Variants in CENPT observed in about 807,000 individuals in gnomAD.
CENPT encodes centromere protein T.
CENPT carries 42 observed loss-of-function variants against 59.7 expected under a neutral mutation model. That is an observed-to-expected ratio of 0.70 (90% CI 0.55 to 0.91). CENPT has a LOEUF of 0.91. CENPT is among the 40% of genes least tolerant of loss of function. CENPT has a pLI of 0.00. For synonymous variants in CENPT, 295 were observed against 289.6 expected (o/e 1.02, Z -0.19); for missense variants, 716 against 713.4 (o/e 1.00, Z -0.04).
rs1426340106 is a variant in CENPT at position 67,829,529 on chromosome 16, A to C, written c.1187-13T>G. The C allele has an allele frequency of 6.3e-7, 1 of 1,594,814 alleles. No homozygotes were observed. Among genetic ancestry groups the C allele is most frequent in the East Asian group, 2.2e-5 (1 of 44,802 alleles). On this transcript the variant is annotated splice_polypyrimidine_tract_variant and intron_variant, in intron 12 of 15. Transcript: ENST00000562787. ...GACTCTGGACTTGCTACAAAGAAGA[A>C]GGGTGGGGTCACAGGGATTCCAGGC...
In CENPT at chr16:67,842,756, G is replaced by A; in HGVS notation, c.-492+4645C>T. On this transcript the variant is annotated intron_variant, in intron 1 of 15. Transcript: ENST00000562787. The surrounding 1 kb of genome is among the most constrained non-coding windows in gnomAD (Gnocchi z 4.9). The stretch of plus-strand genomic sequence containing the variant: ...TCTCTGCAGCGTTCACTTCCAGGGC[G>A]GCCGCAAGACCTACACGGTACGCGT... 1 of 1,609,456 alleles carries A rather than the reference G, an allele frequency of 6.2e-7. No individual in the cohort carries two copies. The highest frequency in any genetic ancestry group is 8.5e-7 in the Non-Finnish European group (1 of 1,178,178).
intron 10 of CENPT, 164 bp downstream of exon 10, chr16:67,831,052 C>T (rs1215815247): frequency 1.2e-6 from 1 of 857,832 alleles, no homozygotes; most frequent in East Asian, 2.4e-5. Context: ...GAAAGAGGCC[C>T]CCTGTAGAAA....
chr16:67,838,430 C>T (rs1353714716), intron 1 of CENPT, among the ~76,000 whole-genome samples: 1 of 150,690 alleles, frequency 6.6e-6, no homozygotes, highest in Non-Finnish European at 1.5e-5. Flanking sequence ...GAGACCAGCC[C>T]GGACAACGTG....
intron 11 of CENPT, 131 bp from the exon 12 acceptor site, chr16:67,830,219 G>T (rs780214356): frequency 8.2e-7 from 1 of 1,221,228 alleles, no homozygotes; most frequent in Non-Finnish European, 1.2e-6. Flanking sequence ...GGCAGCACCA[G>T]GACATGGATC....
chr16:67,836,153 G>A (rs1170096995), intron 1 of CENPT, among the ~76,000 whole-genome samples: 5 of 150,962 alleles, frequency 3.3e-5, no homozygotes, highest in East Asian at 2.0e-4. Flanking sequence ...TCTGCCTCCC[G>A]GTTTCAAGCA....
At chr16:67,845,446 C>T (rs1020289509) in intron 1 of CENPT, among the ~76,000 whole-genome samples, 3 of 152,106 alleles carry the variant, frequency 2.0e-5, no homozygotes, top group African/African-American at 7.2e-5. Context: ...TGGACTGGAC[C>T]TCTGTCTTCC....
chr16:67,841,706 A>AC (rs2057762349), intron 1 of CENPT: 1 of 152,266 alleles, frequency 6.6e-6, no homozygotes, highest in African/African-American at 2.4e-5. Context: ...CGTGTCAGCC[A>AC]CATAGTAGGC....
At chr16:67,846,074 G>A (rs1472984913) in intron 1 of CENPT, among the ~76,000 whole-genome samples, 1 of 152,210 alleles carries the variant, frequency 6.6e-6, no homozygotes, top group African/African-American at 2.4e-5. Flanking sequence ...CTAGAGACTG[G>A]CCTTACCACA....
At position 67,831,863 on chromosome 16, in the gene CENPT, C is replaced by T. The variant is rs969575353; in HGVS notation, c.414G>A (p.Glu138=). The T allele has an allele frequency of 6.2e-6, 10 of 1,611,496 alleles. No homozygotes were observed. Among genetic ancestry groups the T allele is most frequent in the Non-Finnish European group, 8.5e-6 (10 of 1,179,294 alleles). Residue 138 remains glutamate (E), a synonymous_variant, in exon 8 of 16, where the codon GAG becomes GAA. Coordinates refer to ENST00000562787, the MANE Select transcript of CENPT (RefSeq NM_025082.4). The stretch of plus-strand genomic sequence containing the variant: ...GACCTGGAGCCAGGGTTGTGGGGGG[C>T]TCGAGCTCAGGAAGTTGCAGCTCCA... ...GSLELQLPEL[E]PPTTLAPGLL...
At chr16:67,844,223 A>G (rs2057783016) in intron 1 of CENPT, 1 of 166,174 alleles carries the variant, frequency 6.0e-6, no homozygotes, top group Non-Finnish European at 1.5e-5. Context: ...TATTTTTACA[A>G]AAACATAGTT....
chr16:67,846,505 C>G (rs2057799714), intron 1 of CENPT, among the ~76,000 whole-genome samples: 1 of 152,262 alleles, frequency 6.6e-6, no homozygotes, highest in Non-Finnish European at 1.5e-5. Flanking sequence ...GCCATAGCCC[C>G]AAGGGGAGGG....
chr16:67,837,390 T>C (rs1311634463), intron 1 of CENPT, among the ~76,000 whole-genome samples: 1 of 148,068 alleles, frequency 6.8e-6, no homozygotes, highest in African/African-American at 2.5e-5. Flanking sequence ...CCCAGGCTGG[T>C]CAAACATGTT....
chr16:67,829,344 G>A lies in CENPT; in HGVS notation c.1280+79C>T, dbSNP rs943772302. 23 of 1,160,102 alleles carry A rather than the reference G, an allele frequency of 2.0e-5. 1 individual carries two copies. The South Asian group carries it at 2.5e-4, about 13-fold the overall frequency. The allele number at this position is 1,160,102 out of a possible 1,614,324, so 71.9% of individuals were successfully genotyped here. On this transcript the variant is annotated intron_variant, in intron 13 of 15. Transcript: ENST00000562787. ...TAATCATCTGCATACCCGTAGGAAG[G>A]GGGAGGACCCTATGTACACAGCATA...
In CENPT at chr16:67,838,474, T is replaced by C. The variant is rs184466548; in HGVS notation, c.-491-2816A>G. Among the ~76,000 whole-genome samples the C allele has an allele frequency of 7.9e-4, 120 of 151,520 alleles. 1 individual carries two copies. The East Asian group carries it at 0.021, about 27-fold the overall frequency. ...TCATCTTTACTAAAAACACAAAAATTAGCCAGGCATGGTGGTTCATGCCTG... is the reference window on the plus strand; with the variant it reads ...TCATCTTTACTAAAAACACAAAAATCAGCCAGGCATGGTGGTTCATGCCTG... On this transcript the variant is annotated intron_variant, in intron 1 of 15. Transcript: ENST00000562787.
At position 67,842,711 on chromosome 16, in the gene CENPT, C is replaced by G. The variant is rs1347857102; in HGVS notation, c.-492+4690G>C. The stretch of plus-strand genomic sequence containing the variant: ...CGTCAGTGGGTGCTTCTCCACCTTC[C>G]AGCCCACCACAGGCCACCGTCTCTG... On this transcript the variant is annotated intron_variant, in intron 1 of 15. Coordinates refer to ENST00000562787, the MANE Select transcript of CENPT (RefSeq NM_025082.4). The surrounding 1 kb of genome is among the most constrained non-coding windows in gnomAD (Gnocchi z 4.9). 6.2e-7 allele frequency: 1 copy of G among 1,603,316 alleles called. No individual in the cohort carries two copies. Among genetic ancestry groups the G allele is most frequent in the South Asian group, 1.1e-5 (1 of 89,822 alleles).
chr16:67,846,509 G>A (rs145322388), intron 1 of CENPT, among the ~76,000 whole-genome samples: 4,441 of 152,348 alleles, frequency 0.029, 96 homozygotes, highest in Middle Eastern at 0.16. Context: ...TAGCCCCAAG[G>A]GGAGGGGGTT....
chr16:67,833,754 C>T lies in CENPT; in HGVS notation c.106G>A (p.Ala36Thr), dbSNP rs767357814. The change falls in exon 4 of 16, where the codon GCT becomes ACT. Residue 36 changes from alanine to threonine, a missense_variant. Transcript: ENST00000562787. ...RTPRRPRSAR[A>T]GARRALLETA... ...TCGGGGAGCCCCCTCACATACCCAGCCCGAGCACTCCGGGGTCGCCGCGGG... is the reference window on the plus strand; with the variant it reads ...TCGGGGAGCCCCCTCACATACCCAGTCCGAGCACTCCGGGGTCGCCGCGGG... 2 of 1,539,908 alleles carry T rather than the reference C, an allele frequency of 1.3e-6. No individual in the cohort carries two copies. Among genetic ancestry groups the T allele is most frequent in the South Asian group, 2.4e-5 (2 of 82,356 alleles).
intron 10 of CENPT, chr16:67,830,764 C>T: frequency 1.7e-6 from 1 of 574,808 alleles, no homozygotes; most frequent in South Asian, 2.2e-5. Context: ...CCTTCCTGTT[C>T]CTCTGCCTGG....
Position 67,842,936 on chromosome 16 carries a change from CAGCAGCAGCAGCAGT to C in CENPT, c.-492+4450_-492+4464del, listed in dbSNP as rs774786259. The C allele has an allele frequency of 1.5e-4, 236 of 1,609,420 alleles. 1 individual carries two copies. The Middle Eastern group carries it at 6.4e-3, about 44-fold the overall frequency. ...GCAGCAGCAACAGCAGCAGCAGCAGCAGCAGCAGCAGCAGTCCTCACCCTCTGCCTCCACTGCCCA... is the reference window on the plus strand; with the variant it reads ...GCAGCAGCAACAGCAGCAGCAGCAGCCCTCACCCTCTGCCTCCACTGCCCA... On this transcript the variant is annotated intron_variant, in intron 1 of 15. Coordinates refer to ENST00000562787, the MANE Select transcript of CENPT (RefSeq NM_025082.4). This position sits in a 1 kb window ranked among gnomAD's most constrained non-coding sequence, Gnocchi z 4.9.
Sources: allele counts gnomAD v4.1 joint callset (sites outside exome capture counted in the v4.1 genomes callset), GRCh38; gene constraint gnomAD v4.1.1; non-coding constraint Gnocchi (gnomAD v3.1); transcripts MANE v1.5; gene names NCBI Gene and HGNC (gene_info 2026-07-23, HGNC 2026-07-21).